PIAS2: variants seen among roughly 807,000 people sequenced by gnomAD.
PIAS2 encodes protein inhibitor of activated STAT 2.
In PIAS2, 19 loss-of-function variants were observed where a neutral mutation model predicts 69.7. The ratio of observed to expected loss-of-function variants is 0.27; its 90% CI spans 0.19 to 0.40. The LOEUF (loss-of-function observed/expected upper bound fraction) is 0.40, where lower values mean the gene tolerates loss of function less well. Ranked by LOEUF, PIAS2 falls within the 10% of genes least tolerant of loss-of-function variation. PIAS2 has a pLI of 1.00. For synonymous variants in PIAS2, 261 were observed against 263.2 expected (o/e 0.99, Z 0.08); for missense variants, 624 against 757.0 (o/e 0.82, Z 2.06).
chr18:46,885,276 TG>T (rs1420775975), intron 2 of PIAS2, among the ~76,000 whole-genome samples: 1 of 152,054 alleles, frequency 6.6e-6, no homozygotes, highest in Admixed American at 6.6e-5. Flanking sequence ...CCCAGCAGTC[TG>T]GGAGGCTGAA....
upstream of PIAS2, among the ~76,000 whole-genome samples, chr18:46,919,736 G>C (rs553182708): frequency 3.3e-5 from 5 of 152,290 alleles, no homozygotes; most frequent in Admixed American, 6.5e-5. Flanking sequence ...CTAACAAATA[G>C]TTGGCCTTGT....
At chr18:46,864,269 A>T in intron 2 of PIAS2, 21 bp from the exon 3 acceptor site, 1 of 1,475,770 alleles carries the variant, frequency 6.8e-7, no homozygotes, top group African/African-American at 1.4e-5. Flanking sequence ...AAAAAAAAAG[A>T]AAGATAATAT....
chr18:46,902,339 C>T (rs2055997461), intron 1 of PIAS2, among the ~76,000 whole-genome samples: 1 of 151,850 alleles, frequency 6.6e-6, no homozygotes, highest in African/African-American at 2.4e-5. Flanking sequence ...GGCAGATCAC[C>T]TGAGGCCGGG....
At chr18:46,851,983 A>T (rs1395223880) in intron 5 of PIAS2, among the ~76,000 whole-genome samples, 1 of 152,152 alleles carries the variant, frequency 6.6e-6, no homozygotes, top group Non-Finnish European at 1.5e-5. Flanking sequence ...ACGGGCAAGG[A>T]CCACCTATCA....
At position 46,864,222 on chromosome 18, in the gene PIAS2, C is replaced by A; in HGVS notation, c.526G>T (p.Glu176Ter). 6.3e-7 allele frequency: 1 copy of A among 1,595,576 alleles called. No homozygotes were observed. Among genetic ancestry groups the A allele is most frequent in the African/African-American group, 1.4e-5 (1 of 73,814 alleles). Residue 176 changes from glutamate to a stop codon, truncating the protein, a stop_gained, in exon 3 of 14, where the codon GAG becomes TAG. Coordinates refer to ENST00000585916, the MANE Select transcript of PIAS2 (RefSeq NM_004671.5). LOFTEE classifies it high-confidence loss of function. ...GTCAAAGCAAAAATAAAAAACTTCTCTTGAAATCGCTGAATACTGCTTTGA... is the reference window on the plus strand; with the variant it reads ...GTCAAAGCAAAAATAAAAAACTTCTATTGAAATCGCTGAATACTGCTTTGA... Reference protein sequence around the residue: ...LVQSSIQRFQEKFFIFALTPQ... With the variant: ...LVQSSIQRFQ
intron 1 of PIAS2, chr18:46,893,556 G>C (rs1459134486): frequency 1.3e-5 from 6 of 467,630 alleles, no homozygotes; most frequent in Non-Finnish European, 1.7e-5. Context: ...CAAACAAAAA[G>C]TAAGAAAGAG....
At chr18:46,825,118 C>G (rs1438807854) in intron 11 of PIAS2, among the ~76,000 whole-genome samples, 1 of 151,862 alleles carries the variant, frequency 6.6e-6, no homozygotes, top group Admixed American at 6.6e-5. Context: ...CTTTGATGGC[C>G]AAGAAATCCT....
intron 1 of PIAS2, among the ~76,000 whole-genome samples, chr18:46,902,691 A>T (rs72915071): frequency 0.011 from 1,684 of 152,346 alleles, 17 homozygotes; most frequent in Non-Finnish European, 0.017. Flanking sequence ...AATTCCAACA[A>T]GATTTTTGTA....
At chr18:46,867,314 AG>A (rs2145650827) in intron 2 of PIAS2, among the ~76,000 whole-genome samples, 1 of 152,290 alleles carries the variant, frequency 6.6e-6, no homozygotes, top group African/African-American at 2.4e-5. Context: ...AGGAACTTAC[AG>A]CAACAAAAAA....
chr18:46,855,980 T>TTTTTTC (rs1400930187), intron 3 of PIAS2, among the ~76,000 whole-genome samples: 1 of 149,354 alleles, frequency 6.7e-6, no homozygotes, highest in African/African-American at 2.5e-5. Context: ...ACTTGAAGAC[T>TTTTTTC]TTTTTCTTTT....
intron 3 of PIAS2, among the ~76,000 whole-genome samples, chr18:46,863,802 C>T (rs2049018490): frequency 6.6e-6 from 1 of 152,142 alleles, no homozygotes; most frequent in Non-Finnish European, 1.5e-5. Context: ...AAAATTTATA[C>T]GTTGAAGTCC....
At position 46,881,433 on chromosome 18, in the gene PIAS2, A is replaced by C. The variant is rs187465725; in HGVS notation, c.499+9147T>G. On this transcript the variant is annotated intron_variant, in intron 2 of 13. Transcript: ENST00000585916. ...ATAAGTGAAAACTGTATTTGTAAAA[A>C]ACTGAATATTGCTATATAGATGCAA... Among the ~76,000 whole-genome samples, 48 of 152,316 alleles carry C rather than the reference A, an allele frequency of 3.2e-4. No individual in the cohort carries two copies. In the East Asian group the frequency reaches 7.5e-3, roughly 24 times the overall value.
chr18:46,876,626 A>G (rs1321612324), intron 2 of PIAS2, among the ~76,000 whole-genome samples: 7 of 152,180 alleles, frequency 4.6e-5, no homozygotes, highest in Non-Finnish European at 8.8e-5. Flanking sequence ...TAACAACAAA[A>G]GCATTACAAG....
rs957486092 is a variant in PIAS2, at chr18:46,803,803, C to T, written c.*8630G>A. On this transcript the variant is annotated 3_prime_UTR_variant, in exon 14 of 14. Transcript: ENST00000585916. ...TGAAGAATTTCTCCAGCCTTTTATA[C>T]ACAGTAGGGTGGGTCTACAAGGAGT... 3.3e-5 allele frequency: 5 copies of T among 152,202 alleles called. No individual in the cohort carries two copies. The highest frequency in any genetic ancestry group is 7.2e-5 in the African/African-American group (3 of 41,440). The allele number at this position is 152,202 out of a possible 1,614,324, so 9.4% of individuals were successfully genotyped here. A position where few individuals can be genotyped will look rare whatever the true frequency, so the allele number is the denominator to read the frequency against.
intron 3 of PIAS2, among the ~76,000 whole-genome samples, chr18:46,863,352 C>T (rs1190274334): frequency 6.6e-6 from 1 of 152,076 alleles, no homozygotes. Context: ...GATGGGGTCT[C>T]GCTTTGTTGC....
At chr18:46,853,234 C>G (rs1223153344) in intron 5 of PIAS2, 3 of 146,430 alleles carry the variant, frequency 2.0e-5, no homozygotes, top group African/African-American at 7.6e-5. Flanking sequence ...TGAGCCGAGA[C>G]TACACTAATG....
chr18:46,823,495 G>C (rs772719535), intron 11 of PIAS2, among the ~76,000 whole-genome samples: 3 of 152,116 alleles, frequency 2.0e-5, no homozygotes, highest in Non-Finnish European at 2.9e-5. Context: ...GGAGTCAAGT[G>C]AATGTACCTA....
rs1189831371 is a variant in PIAS2 at position 46,808,847 on chromosome 18, C to A, written c.*3586G>T. 30 of 119,530 alleles carry A rather than the reference C, an allele frequency of 2.5e-4. No homozygotes were observed. The highest frequency in any genetic ancestry group is 3.3e-4 in the African/African-American group (10 of 30,112). The allele number at this position is 119,530 out of a possible 1,614,324, so 7.4% of individuals were successfully genotyped here. ...TTTTTTTTTTTTTTTTTTTTTTAAA[C>A]CAACTGAAGGCCAGAGAAATGAAAG... On this transcript the variant is annotated 3_prime_UTR_variant, in exon 14 of 14. Transcript: ENST00000585916.
intron 8 of PIAS2, among the ~76,000 whole-genome samples, chr18:46,840,569 T>C (rs1201445086): frequency 1.3e-5 from 2 of 152,178 alleles, no homozygotes; most frequent in Middle Eastern, 3.2e-3. Context: ...TTCCACAGCA[T>C]ACAGAAACGA....
Sources: allele counts gnomAD v4.1 joint callset (sites outside exome capture counted in the v4.1 genomes callset), GRCh38; gene constraint gnomAD v4.1.1; transcripts MANE v1.5; gene names NCBI Gene and HGNC (gene_info 2026-07-23, HGNC 2026-07-21).